Variants in CEP112 observed in about 807,000 individuals in gnomAD.
CEP112 encodes the protein centrosomal protein of 112 kDa.
A neutral mutation model predicts 153.0 loss-of-function variants in CEP112; 127 were observed. That is an observed-to-expected ratio of 0.83 (90% CI 0.72 to 0.96). The LOEUF (loss-of-function observed/expected upper bound fraction) is 0.96, where lower values mean the gene tolerates loss of function less well. CEP112 is among the 40% of genes least tolerant of loss of function. The pLI, the probability that CEP112 is intolerant of heterozygous loss-of-function variation, is 0.00. For synonymous variants in CEP112, 358 were observed against 374.4 expected, an observed-to-expected ratio of 0.96 and a Z score of 0.51; for missense variants, 1,089 against 1,101.2, an observed-to-expected ratio of 0.99 and a Z score of 0.16.
intron 25 of CEP112, among the ~76,000 whole-genome samples, chr17:65,639,036 AC>A (rs1368912683): frequency 6.6e-6 from 1 of 152,114 alleles, no homozygotes; most frequent in East Asian, 1.9e-4. Context: ...AAATTATTTA[AC>A]CCTTTGTATG....
intron 20 of CEP112, among the ~76,000 whole-genome samples, chr17:65,865,689 G>A (rs1022893746): frequency 2.2e-4 from 34 of 152,312 alleles, no homozygotes; most frequent in African/African-American, 6.7e-4. Context: ...GCTTGGGCAG[G>A]GTTGGCTGGG....
At chr17:65,940,525 G>T (rs1459439550) in intron 18 of CEP112, among the ~76,000 whole-genome samples, 1 of 152,130 alleles carries the variant, frequency 6.6e-6, no homozygotes, top group Non-Finnish European at 1.5e-5. Flanking sequence ...AGAAAATGTG[G>T]CATGTATATA....
chr17:66,140,432 G>A (rs2070641076), intron 4 of CEP112, among the ~76,000 whole-genome samples: 1 of 152,112 alleles, frequency 6.6e-6, no homozygotes, highest in South Asian at 2.1e-4. Context: ...AGAGTAGTCA[G>A]GCAAGAGAAA....
intron 24 of CEP112, among the ~76,000 whole-genome samples, chr17:65,668,827 A>T (rs926622451): frequency 6.6e-6 from 1 of 152,204 alleles, no homozygotes; most frequent in African/African-American, 2.4e-5. Flanking sequence ...TTCGACTGCC[A>T]GGCAAGCACC....
chr17:65,948,678 GATA>G (rs948595986), intron 18 of CEP112, among the ~76,000 whole-genome samples: 5 of 151,666 alleles, frequency 3.3e-5, no homozygotes, highest in African/African-American at 1.2e-4. Context: ...GAGCTAAACT[GATA>G]ATAAATTTCA....
intron 19 of CEP112, chr17:65,913,781 G>A (rs916379707): frequency 1.2e-5 from 12 of 985,292 alleles, no homozygotes; most frequent in Non-Finnish European, 1.4e-5. Context: ...GATACAGGGA[G>A]AGCAGAAGGC....
At chr17:65,993,878 T>C (rs2063686548) in intron 17 of CEP112, among the ~76,000 whole-genome samples, 1 of 152,250 alleles carries the variant, frequency 6.6e-6, no homozygotes, top group Non-Finnish European at 1.5e-5. Context: ...GCTGTTAATG[T>C]TCAGTTTCTT....
At chr17:66,085,118 G>T (rs1401158491) in intron 8 of CEP112, among the ~76,000 whole-genome samples, 1 of 151,946 alleles carries the variant, frequency 6.6e-6, no homozygotes, top group Admixed American at 6.6e-5. Flanking sequence ...TAACAAAATG[G>T]AAAAAGAGGC....
intron 24 of CEP112, among the ~76,000 whole-genome samples, chr17:65,672,955 T>C (rs2047059604): frequency 6.6e-6 from 1 of 152,224 alleles, no homozygotes; most frequent in South Asian, 2.1e-4. Flanking sequence ...TTTTTATCAT[T>C]GCTGTAACAA....
intron 21 of CEP112, chr17:65,804,421 G>A (rs903052855): frequency 7.2e-5 from 11 of 151,990 alleles, no homozygotes; most frequent in African/African-American, 2.4e-4. Context: ...GCCCCATATC[G>A]ACACAAAATT....
At chr17:65,895,108 G>A (rs1439509994) in intron 20 of CEP112, among the ~76,000 whole-genome samples, 1 of 152,006 alleles carries the variant, frequency 6.6e-6, no homozygotes, top group East Asian at 1.9e-4. Flanking sequence ...GGCATATGGG[G>A]TAGAGGACTT....
chr17:66,027,672 G>C, intron 15 of CEP112, 112 bp from the exon 16 acceptor site: 1 of 794,320 alleles, frequency 1.3e-6, no homozygotes, highest in South Asian at 2.2e-5. Flanking sequence ...TCAGTTCAGA[G>C]TTTTGCATAT....
chr17:66,064,912 G>T (rs550646210), intron 10 of CEP112, among the ~76,000 whole-genome samples: 2 of 152,130 alleles, frequency 1.3e-5, no homozygotes, highest in African/African-American at 2.4e-5. Flanking sequence ...TTTAAGGGTG[G>T]AAATGAACCT....
At chr17:65,786,035 T>C (rs1430655124) in intron 21 of CEP112, among the ~76,000 whole-genome samples, 1 of 152,244 alleles carries the variant, frequency 6.6e-6, no homozygotes, top group Non-Finnish European at 1.5e-5. Context: ...TTAACAACGT[T>C]AAGTTTTCTG....
At chr17:65,695,178 C>T (rs549066876) in intron 23 of CEP112, among the ~76,000 whole-genome samples, 50 of 152,330 alleles carry the variant, frequency 3.3e-4, no homozygotes, top group African/African-American at 1.2e-3. Context: ...ACATAAGCAG[C>T]TCCACAAGAA....
At chr17:65,773,021 C>G (rs1417515568) in intron 21 of CEP112, among the ~76,000 whole-genome samples, 1 of 152,166 alleles carries the variant, frequency 6.6e-6, no homozygotes, top group Non-Finnish European at 1.5e-5. Flanking sequence ...CTAAACCTCT[C>G]AAAAACTCTG....
chr17:66,121,925 C>T (rs537842647), intron 6 of CEP112, among the ~76,000 whole-genome samples: 6 of 152,114 alleles, frequency 3.9e-5, no homozygotes, highest in Admixed American at 2.0e-4. Flanking sequence ...GACAGAGTCT[C>T]GCTCTGTCGC....
intron 17 of CEP112, among the ~76,000 whole-genome samples, chr17:65,974,428 C>G (rs749874208): frequency 3.9e-5 from 6 of 152,150 alleles, no homozygotes; most frequent in Non-Finnish European, 8.8e-5. Flanking sequence ...TCAGTGTAAC[C>G]TTTATGGAGG....
intron 21 of CEP112, among the ~76,000 whole-genome samples, chr17:65,761,493 G>C (rs2145392988): frequency 1.3e-5 from 2 of 151,970 alleles, no homozygotes; most frequent in Middle Eastern, 3.4e-3. Flanking sequence ...GAAAGCTTAG[G>C]CTATTGATTT....
Sources: allele counts gnomAD v4.1 joint callset (sites outside exome capture counted in the v4.1 genomes callset), GRCh38; gene constraint gnomAD v4.1.1; transcripts MANE v1.5; gene names NCBI Gene and HGNC (gene_info 2026-07-23, HGNC 2026-07-21).